Variants in PVT1 observed in about 807,000 individuals in gnomAD.
PVT1 encodes Pvt1 oncogene.
intron 4 of PVT1, among the ~76,000 whole-genome samples, chr8:128,043,168 G>T (rs1338004614): frequency 6.6e-6 from 1 of 152,148 alleles, no homozygotes; most frequent in Non-Finnish European, 1.5e-5. Flanking sequence ...GTTGTATTGT[G>T]GGAGGGTGCA....
chr8:128,084,396 C>T (rs978263165), intron 5 of PVT1, among the ~76,000 whole-genome samples: 3 of 152,202 alleles, frequency 2.0e-5, no homozygotes, highest in Non-Finnish European at 4.4e-5. Flanking sequence ...CTGCCTGGCT[C>T]TCTGCTCAGA....
chr8:128,016,397 A>G (rs1350140686), intron 4 of PVT1, among the ~76,000 whole-genome samples: 1 of 152,172 alleles, frequency 6.6e-6, no homozygotes, highest in Non-Finnish European at 1.5e-5. Context: ...GTCACCAACT[A>G]TGGCCTTACT....
chr8:127,965,020 A>G (rs78864399), intron 3 of PVT1, among the ~76,000 whole-genome samples: 1,988 of 152,214 alleles, frequency 0.013, 55 homozygotes, highest in African/African-American at 0.045. Flanking sequence ...CATAGGCACC[A>G]GATTCTAAGG....
intron 4 of PVT1, among the ~76,000 whole-genome samples, chr8:127,999,806 C>T (rs1448456028): frequency 6.6e-5 from 10 of 152,212 alleles, no homozygotes; most frequent in Admixed American, 6.5e-4. Flanking sequence ...CCCACATTGA[C>T]TGACAAAAGA....
chr8:127,948,461 C>T (rs1018485768), intron 3 of PVT1: 3 of 159,234 alleles, frequency 1.9e-5, no homozygotes, highest in Non-Finnish European at 2.8e-5. Context: ...CTATGCCAGA[C>T]TAGTAGAGCT....
chr8:127,837,529 CATT>C (rs1320746404), intron 2 of PVT1, among the ~76,000 whole-genome samples: 2 of 151,656 alleles, frequency 1.3e-5, no homozygotes, highest in South Asian at 2.1e-4. Flanking sequence ...CTGTAGATAA[CATT>C]AGAGTATATT....
intron 4 of PVT1, among the ~76,000 whole-genome samples, chr8:128,058,229 G>A (rs1349459203): frequency 2.6e-5 from 4 of 152,038 alleles, no homozygotes; most frequent in Admixed American, 6.5e-5. Flanking sequence ...ATAGTGATTC[G>A]ACCTAACCAA....
intron 3 of PVT1, among the ~76,000 whole-genome samples, chr8:127,907,344 T>C (rs987651330): frequency 6.6e-6 from 1 of 152,160 alleles, no homozygotes; most frequent in African/African-American, 2.4e-5. Context: ...GTGCTGTAAA[T>C]GACAGGGCTC....
At chr8:127,900,838 G>T (rs1033876725) in intron 3 of PVT1, among the ~76,000 whole-genome samples, 1 of 152,196 alleles carries the variant, frequency 6.6e-6, no homozygotes, top group Non-Finnish European at 1.5e-5. Context: ...TTCCCTGAGA[G>T]CCTGGGAACT....
intron 3 of PVT1, among the ~76,000 whole-genome samples, chr8:127,970,050 CA>C (rs1184253225): frequency 2.0e-5 from 3 of 152,192 alleles, no homozygotes; most frequent in African/African-American, 7.2e-5. Context: ...TGGTCTCCAG[CA>C]GCCCTTTTTG....
intron 2 of PVT1, among the ~76,000 whole-genome samples, chr8:127,881,571 C>T (rs1224719042): frequency 1.1e-4 from 16 of 151,452 alleles, no homozygotes; most frequent in Non-Finnish European, 2.2e-4. Flanking sequence ...ATTCTCCTGC[C>T]TCAGCCTCCC....
chr8:127,916,240 A>C (rs1203926215), intron 3 of PVT1, among the ~76,000 whole-genome samples: 1 of 152,212 alleles, frequency 6.6e-6, no homozygotes, highest in Non-Finnish European at 1.5e-5. Flanking sequence ...AAGTGCTTTG[A>C]GAATGGAAAA....
intron 2 of PVT1, among the ~76,000 whole-genome samples, chr8:127,882,099 C>T (rs548835062): frequency 6.6e-6 from 1 of 152,264 alleles, no homozygotes; most frequent in Admixed American, 6.5e-5. Flanking sequence ...GGGATGTGCC[C>T]AAGGCCACAC....
At chr8:128,029,751 A>G (rs1813367229) in intron 4 of PVT1, among the ~76,000 whole-genome samples, 1 of 152,198 alleles carries the variant, frequency 6.6e-6, no homozygotes, top group South Asian at 2.1e-4. Context: ...GTGAGCCGAG[A>G]TCGCGCCACT....
At chr8:127,848,416 G>A (rs1430405886) in intron 2 of PVT1, among the ~76,000 whole-genome samples, 1 of 152,206 alleles carries the variant, frequency 6.6e-6, no homozygotes, top group East Asian at 1.9e-4. Flanking sequence ...GGGCGCAGTG[G>A]CTCACGCCTG....
chr8:127,828,918 G>C (rs886281754), intron 2 of PVT1, among the ~76,000 whole-genome samples: 5 of 152,144 alleles, frequency 3.3e-5, no homozygotes, highest in Admixed American at 1.3e-4. Context: ...TGCTTGTTCA[G>C]AGGTAAACTT....
chr8:127,832,575 A>G (rs909713709), intron 2 of PVT1, among the ~76,000 whole-genome samples: 2 of 152,206 alleles, frequency 1.3e-5, no homozygotes, highest in Non-Finnish European at 2.9e-5. Flanking sequence ...ATTCATGCAC[A>G]TGGCCGGGTG....
At chr8:127,809,352 C>T (rs1290618894) in intron 2 of PVT1, among the ~76,000 whole-genome samples, 3 of 152,128 alleles carry the variant, frequency 2.0e-5, no homozygotes, top group Non-Finnish European at 2.9e-5. Context: ...GCACCACCCC[C>T]AGCTAATGTT....
intron 4 of PVT1, among the ~76,000 whole-genome samples, chr8:128,005,428 G>A (rs576832035): frequency 2.0e-5 from 3 of 152,168 alleles, no homozygotes; most frequent in African/African-American, 4.8e-5. Flanking sequence ...GTGGGGCTTG[G>A]TGCAAGTTTA....
Sources: allele counts gnomAD v4.1 joint callset (sites outside exome capture counted in the v4.1 genomes callset), GRCh38; gene constraint gnomAD v4.1.1; transcripts MANE v1.5; gene names NCBI Gene and HGNC (gene_info 2026-07-23, HGNC 2026-07-21).